The following PCDHA3 variants were observed in gnomAD, a reference collection of about 807,000 sequenced individuals.
The protein encoded by PCDHA3 is protocadherin alpha 3, also known as protocadherin alpha-3.
In PCDHA3, 41 loss-of-function variants were observed where a neutral mutation model predicts 62.2. The ratio of observed to expected loss-of-function variants is 0.66; its 90% CI spans 0.51 to 0.86. The LOEUF is 0.86. Among genes scored for constraint, PCDHA3 ranks in the 40% least tolerant of loss-of-function variants. PCDHA3 has a pLI of 0.00. For synonymous variants in PCDHA3, 640 were observed against 555.4 expected (o/e 1.15, Z -2.14); for missense variants, 1,304 against 1,241.2 (o/e 1.05, Z -0.76).
intron 1 of PCDHA3, chr5:140,850,781 G>A: frequency 6.3e-7 from 1 of 1,598,212 alleles, no homozygotes; most frequent in East Asian, 2.2e-5. Context: ...GCTCTGGCGA[G>A]GGTAAGCAGA....
chr5:140,834,669 T>G (rs2150223867), intron 1 of PCDHA3: 1 of 1,614,208 alleles, frequency 6.2e-7, no homozygotes, highest in East Asian at 2.2e-5. Context: ...CGAGGAGCTG[T>G]GCGGGCGGAG....
At position 140,839,044 on chromosome 5, in the gene PCDHA3, C is replaced by A. The variant is rs2150294320; in HGVS notation, c.2394+35453C>A. 1.3e-3 allele frequency among the ~76,000 whole-genome samples: 202 copies of A among 152,030 alleles called. 2 individuals are homozygous for A. Among genetic ancestry groups the A allele is most frequent in the Non-Finnish European group, 2.1e-3 (142 of 67,974 alleles). On this transcript the variant is annotated intron_variant, in intron 1 of 3. Transcript: ENST00000522353. ...GGATATGTTACTGTTTTCTTTTCAACGTGAATAAGGATAGAGGTATGCAAA... is the reference window on the plus strand; with the variant it reads ...GGATATGTTACTGTTTTCTTTTCAAAGTGAATAAGGATAGAGGTATGCAAA...
chr5:140,926,526 C>G (rs2083305621), intron 1 of PCDHA3: 1 of 209,510 alleles, frequency 4.8e-6, no homozygotes, highest in Non-Finnish European at 9.3e-6. Flanking sequence ...GCCCTGCGCC[C>G]GCAGCCAGCG....
intron 1 of PCDHA3, chr5:140,841,587 G>A: frequency 6.2e-7 from 1 of 1,614,074 alleles, no homozygotes; most frequent in Middle Eastern, 1.7e-4. Context: ...GTGAATTCTC[G>A]GATCGACCGC....
rs3733707 is a variant in PCDHA3, at chr5:140,802,307, T to C, written c.1110T>C (p.Ala370=). The C allele has an allele frequency of 0.54, 871,125 of 1,614,014 alleles. 237,206 individuals carry two copies. The highest frequency in any genetic ancestry group is 0.73 in the African/African-American group (54,740 of 75,008). ...LEDSPLSTVI[A]LISVSDRDSG... The stretch of plus-strand genomic sequence containing the variant: ...ACTCTCCACTTAGCACAGTCATCGC[T>C]CTGATCAGCGTGTCCGACCGCGACT... The change falls in exon 1 of 4, where the codon GCT becomes GCC. Residue 370 remains alanine (A), a synonymous_variant. Transcript: ENST00000522353.
In PCDHA3 at chr5:140,802,586, C is replaced by T. The variant is rs376590372; in HGVS notation, c.1389C>T (p.Phe463=). The T allele has an allele frequency of 4.9e-5, 79 of 1,613,974 alleles. No homozygotes were observed. Among genetic ancestry groups the T allele is most frequent in the Non-Finnish European group, 6.4e-5 (76 of 1,180,034 alleles). The part of the protein sequence containing the change: ...PAFSQSEYTV[F]VKENNPPGCH... ...TCTCGCAGTCCGAGTACACGGTGTTCGTGAAGGAGAACAACCCGCCGGGCT... is the reference window on the plus strand; with the variant it reads ...TCTCGCAGTCCGAGTACACGGTGTTTGTGAAGGAGAACAACCCGCCGGGCT... Residue 463 remains phenylalanine (F), a synonymous_variant, in exon 1 of 4, where the codon TTC becomes TTT. Transcript: ENST00000522353.
intron 1 of PCDHA3, chr5:140,868,985 C>A: frequency 1.3e-6 from 2 of 1,500,940 alleles, no homozygotes; most frequent in Non-Finnish European, 1.8e-6. Context: ...ATACCGGATG[C>A]CACCGTTTAA....
At chr5:141,007,192 TGGTGGGGGCCAGAATATGC>T (rs1371127830) in intron 3 of PCDHA3, among the ~76,000 whole-genome samples, 1 of 151,894 alleles carries the variant, frequency 6.6e-6, no homozygotes, top group African/African-American at 2.4e-5. Flanking sequence ...AATGTTTTGA[TGGTGGGGGCCAGAATATGC>T]TGTCCCAAAA....
At chr5:140,894,793 T>C (rs1269028222) in intron 1 of PCDHA3, among the ~76,000 whole-genome samples, 2 of 152,170 alleles carry the variant, frequency 1.3e-5, no homozygotes, top group Non-Finnish European at 2.9e-5. Flanking sequence ...TGTCCTCTCC[T>C]TTAAAAATAA....
At chr5:140,904,692 A>G (rs1484371560) in intron 1 of PCDHA3, among the ~76,000 whole-genome samples, 1 of 152,126 alleles carries the variant, frequency 6.6e-6, no homozygotes, top group Non-Finnish European at 1.5e-5. Context: ...GCAGTGTAAA[A>G]TTGTTCCCTT....
At chr5:140,941,523 A>T (rs1351933430) in intron 1 of PCDHA3, among the ~76,000 whole-genome samples, 1 of 151,186 alleles carries the variant, frequency 6.6e-6, no homozygotes, top group Non-Finnish European at 1.5e-5. Flanking sequence ...CACCATCTTG[A>T]CCAGGCTGGT....
At chr5:140,942,546 TA>T (rs1380022033) in intron 1 of PCDHA3, among the ~76,000 whole-genome samples, 4 of 150,044 alleles carry the variant, frequency 2.7e-5, no homozygotes, top group African/African-American at 9.8e-5. Flanking sequence ...TGGTGGGGGG[TA>T]GGGGGTTGAG....
intron 1 of PCDHA3, chr5:140,871,192 G>T (rs1582019516): frequency 2.5e-6 from 4 of 1,613,668 alleles, no homozygotes; most frequent in Non-Finnish European, 3.4e-6. Flanking sequence ...GGATGTCAAC[G>T]TGTACCTGAT....
chr5:140,870,346 G>C (rs782365260), intron 1 of PCDHA3: 2 of 1,614,236 alleles, frequency 1.2e-6, no homozygotes, highest in Non-Finnish European at 1.7e-6. Context: ...CCTGGACCGC[G>C]AGAACGTGTG....
intron 1 of PCDHA3, chr5:140,863,348 C>G (rs548906600): frequency 3.0e-5 from 39 of 1,313,260 alleles, no homozygotes; most frequent in Non-Finnish European, 4.0e-5. Flanking sequence ...CTGCTGTACA[C>G]GACGCTGCGG....
At chr5:140,820,121 A>G (rs937640428) in intron 1 of PCDHA3, among the ~76,000 whole-genome samples, 3 of 151,966 alleles carry the variant, frequency 2.0e-5, no homozygotes, top group African/African-American at 7.2e-5. Flanking sequence ...GTTTTTAACC[A>G]TTGTGTATTA....
chr5:140,845,214 TA>T (rs1253125305), intron 1 of PCDHA3, among the ~76,000 whole-genome samples: 2 of 149,518 alleles, frequency 1.3e-5, no homozygotes, highest in South Asian at 2.1e-4. Flanking sequence ...TAAGTCCTTT[TA>T]AAAAATATGA....
At chr5:140,874,174 G>A (rs2054753797) in intron 1 of PCDHA3, among the ~76,000 whole-genome samples, 1 of 152,292 alleles carries the variant, frequency 6.6e-6, no homozygotes, top group East Asian at 1.9e-4. Context: ...CTTTCCTGGT[G>A]TTGTAAAGGT....
intron 1 of PCDHA3, chr5:140,808,837 G>A (rs1764276126): frequency 6.8e-6 from 11 of 1,613,056 alleles, no homozygotes; most frequent in African/African-American, 2.7e-5. Context: ...GCAACGTGAC[G>A]CTGCAGGTGT....
Sources: allele counts gnomAD v4.1 joint callset (sites outside exome capture counted in the v4.1 genomes callset), GRCh38; gene constraint gnomAD v4.1.1; transcripts MANE v1.5; gene names NCBI Gene and HGNC (gene_info 2026-07-23, HGNC 2026-07-21).